The following PIK3IP1 variants were observed in gnomAD, a reference collection of about 807,000 sequenced individuals.
PIK3IP1 encodes phosphoinositide-3-kinase-interacting protein 1.
In PIK3IP1, 28 loss-of-function variants were observed where a neutral mutation model predicts 30.7. The ratio of observed to expected loss-of-function variants is 0.91; its 90% CI spans 0.68 to 1.25. PIK3IP1 has a LOEUF of 1.25. Ranked by LOEUF, PIK3IP1 falls within the 50% of genes most tolerant of loss-of-function variation. The probability of loss-of-function intolerance (pLI) is 0.00; values close to 1 mark genes in which losing one functional copy is unlikely to be tolerated. For missense variants in PIK3IP1, 333 were observed against 346.2 expected, an observed-to-expected ratio of 0.96 and a Z score of 0.30; for synonymous variants, 159 against 140.8, an observed-to-expected ratio of 1.13 and a Z score of -0.91.
Position 31,282,931 on chromosome 22 carries a change from C to T in PIK3IP1, c.*153G>A. On this transcript the variant is annotated 3_prime_UTR_variant, in exon 6 of 6. Coordinates refer to ENST00000215912, the MANE Select transcript of PIK3IP1 (RefSeq NM_052880.5). ...CCAGCCTTACCCTCAGCCCACAGGG[C>T]CACCTGCTTCTGTCACTCTTACTAG... The T allele has an allele frequency of 1.6e-6, 1 of 634,178 alleles. No homozygotes were observed. Among genetic ancestry groups the T allele is most frequent in the Non-Finnish European group, 2.7e-6 (1 of 365,770 alleles). The allele number at this position is 634,178 out of a possible 1,614,324, so 39.3% of individuals were successfully genotyped here. A position where few individuals can be genotyped will look rare whatever the true frequency, so the allele number is the denominator to read the frequency against.
At chr22:31,284,343 G>A (rs1194883289) in intron 5 of PIK3IP1, among the ~76,000 whole-genome samples, 1 of 152,178 alleles carries the variant, frequency 6.6e-6, no homozygotes, top group Non-Finnish European at 1.5e-5. Context: ...GTCTTTAGGG[G>A]AAAAAAATCA....
chr22:31,291,836 G>A (rs534722793), intron 1 of PIK3IP1, among the ~76,000 whole-genome samples: 6 of 152,238 alleles, frequency 3.9e-5, no homozygotes, highest in South Asian at 2.1e-4. Context: ...AATTCTCCAG[G>A]AGCCTTGACT....
Position 31,283,246 on chromosome 22 carries a change from C to T in PIK3IP1, c.630G>A (p.Glu210=). 1 of 1,614,242 alleles carries T rather than the reference C, an allele frequency of 6.2e-7. No individual in the cohort carries two copies. The highest frequency in any genetic ancestry group is 1.3e-5 in the African/African-American group (1 of 75,072). The stretch of plus-strand genomic sequence containing the variant: ...GCAGAGTGATTCGCTGCATCTCCCT[C>T]TCACATACTTTCTGATCATGCTGTT... ...LKEQHDQKVC[E]REMQRITLPL... is the part of the protein sequence containing the mutation. Residue 210 remains glutamate (E), a synonymous_variant, in exon 6 of 6, where the codon GAG becomes GAA. Coordinates refer to ENST00000215912, the MANE Select transcript of PIK3IP1 (RefSeq NM_052880.5).
intron 3 of PIK3IP1, chr22:31,290,663 G>T (rs891703449): frequency 2.8e-5 from 10 of 351,086 alleles, no homozygotes; most frequent in Non-Finnish European, 4.6e-5. Context: ...CTCCGCAAAC[G>T]GTCAATAAAC....
chr22:31,291,893 C>T (rs912182402), intron 1 of PIK3IP1, among the ~76,000 whole-genome samples: 11 of 152,220 alleles, frequency 7.2e-5, no homozygotes, highest in African/African-American at 2.7e-4. Context: ...GGAAACCGGC[C>T]TCATCGCTGA....
rs776209458 is a variant in PIK3IP1 at position 31,281,983 on chromosome 22, C to T, written c.*1101G>A. 6.6e-6 allele frequency: 1 copy of T among 152,398 alleles called. No individual in the cohort carries two copies. Among genetic ancestry groups the T allele is most frequent in the Non-Finnish European group, 1.5e-5 (1 of 68,158 alleles). The allele number at this position is 152,398 out of a possible 1,614,324, so 9.4% of individuals were successfully genotyped here. A position where few individuals can be genotyped will look rare whatever the true frequency, so the allele number is the denominator to read the frequency against. ...AGCTGGGCTCTTGCCATGCCAGTAG[C>T]TTGCTTACGACCTTGGGCAAGTCAC... On this transcript the variant is annotated 3_prime_UTR_variant, in exon 6 of 6. Transcript: ENST00000215912.
chr22:31,283,000 C>A lies in PIK3IP1; in HGVS notation c.*84G>T. The A allele has an allele frequency of 9.1e-7, 1 of 1,103,576 alleles. No homozygotes were observed. Among genetic ancestry groups the A allele is most frequent in the African/African-American group, 1.6e-5 (1 of 62,486 alleles). 68.4% of individuals were successfully genotyped at this position (1,103,576 alleles called of 1,614,324 possible). The stretch of plus-strand genomic sequence containing the variant: ...GGGAGTGGTAGGGTTTTAACCAGAA[C>A]ACAAAGTGGTAGTTCCTCCTAGCTG... On this transcript the variant is annotated 3_prime_UTR_variant, in exon 6 of 6. Coordinates refer to ENST00000215912, the MANE Select transcript of PIK3IP1 (RefSeq NM_052880.5).
rs1569009953 is a variant in PIK3IP1, at chr22:31,283,300, A to C, written c.588-12T>G. ...TCAAATCCTTCCCCCTGGCAGGAAAAAAACAAACAAACATTCAGGCTATGC... is the reference window on the plus strand; with the variant it reads ...TCAAATCCTTCCCCCTGGCAGGAAACAAACAAACAAACATTCAGGCTATGC... On this transcript the variant is annotated splice_polypyrimidine_tract_variant and intron_variant, in intron 5 of 5. Coordinates refer to ENST00000215912, the MANE Select transcript of PIK3IP1 (RefSeq NM_052880.5). 10 of 1,613,394 alleles carry C rather than the reference A, an allele frequency of 6.2e-6. No homozygotes were observed. The highest frequency in any genetic ancestry group is 4.5e-5 in the East Asian group (2 of 44,876).
intron 5 of PIK3IP1, among the ~76,000 whole-genome samples, chr22:31,287,067 C>T (rs1040288589): frequency 7.4e-6 from 1 of 136,028 alleles, no homozygotes; most frequent in Non-Finnish European, 1.5e-5. Flanking sequence ...GTCACCCAGG[C>T]TGGAGTGCAG....
At chr22:31,290,919 C>G (rs574670234) in intron 3 of PIK3IP1, 46 bp downstream of exon 3, 1 of 1,529,936 alleles carries the variant, frequency 6.5e-7, no homozygotes. Context: ...TCAGCCGCTT[C>G]CTGTCAGCGC....
At chr22:31,286,627 T>C (rs1038265474) in intron 5 of PIK3IP1, among the ~76,000 whole-genome samples, 1 of 152,142 alleles carries the variant, frequency 6.6e-6, no homozygotes, top group Admixed American at 6.5e-5. Context: ...GGAACAAATC[T>C]AGAAGAAAAA....
Position 31,289,097 on chromosome 22 carries a change from C to A in PIK3IP1, c.587+218G>T, listed in dbSNP as rs971774858. The stretch of plus-strand genomic sequence containing the variant: ...CAGAGGCTTCTTCATTTGTAAAATG[C>A]GGAACAAGAACATCCCTCACAAGGC... On this transcript the variant is annotated intron_variant, in intron 5 of 5. Coordinates refer to ENST00000215912, the MANE Select transcript of PIK3IP1 (RefSeq NM_052880.5). The A allele has an allele frequency of 6.2e-5, 37 of 592,622 alleles. No individual in the cohort carries two copies. The Middle Eastern group carries it at 1.4e-3, about 23-fold the overall frequency. The allele number at this position is 592,622 out of a possible 1,614,324, so 36.7% of individuals were successfully genotyped here. A position where few individuals can be genotyped will look rare whatever the true frequency, so the allele number is the denominator to read the frequency against.
rs750139427 is a variant in PIK3IP1 at position 31,283,291 on chromosome 22, G to A, written c.588-3C>T. ...GCTGTTCTTTCAAATCCTTCCCCCT[G>A]GCAGGAAAAAAACAAACAAACATTC... On this transcript the variant is annotated splice_polypyrimidine_tract_variant and splice_region_variant and intron_variant, in intron 5 of 5. Coordinates refer to ENST00000215912, the MANE Select transcript of PIK3IP1 (RefSeq NM_052880.5). The A allele has an allele frequency of 6.2e-7, 1 of 1,602,696 alleles. No homozygotes were observed. The highest frequency in any genetic ancestry group is 8.5e-7 in the Non-Finnish European group (1 of 1,179,070).
At chr22:31,286,481 C>CT (rs1300126453) in intron 5 of PIK3IP1, among the ~76,000 whole-genome samples, 1 of 152,182 alleles carries the variant, frequency 6.6e-6, no homozygotes, top group African/African-American at 2.4e-5. Flanking sequence ...GTTGTACAGT[C>CT]TGTTCTCAGA....
chr22:31,290,725 T>G (rs933809620), intron 3 of PIK3IP1: 1 of 526,070 alleles, frequency 1.9e-6, no homozygotes, highest in Non-Finnish European at 3.2e-6. Context: ...AGACCTAGCC[T>G]CACCCCAGCC....
intron 5 of PIK3IP1, 111 bp from the exon 6 acceptor site, chr22:31,283,399 A>C (rs1362200926): frequency 7.7e-6 from 9 of 1,163,262 alleles, no homozygotes; most frequent in African/African-American, 1.5e-5. Flanking sequence ...TTGTCACAAC[A>C]AATCAGTGGC....
intron 5 of PIK3IP1, 125 bp from the exon 6 acceptor site, chr22:31,283,413 G>T: frequency 1.0e-6 from 1 of 998,600 alleles, no homozygotes; most frequent in Non-Finnish European, 1.5e-6. Context: ...CAGTGGCTGA[G>T]CCAGGACCCA....
chr22:31,287,533 T>C (rs5749247), intron 5 of PIK3IP1, among the ~76,000 whole-genome samples: 7,029 of 151,672 alleles, frequency 0.046, 571 homozygotes, highest in East Asian at 0.37. Flanking sequence ...GATTTCACTA[T>C]GTTGGCCAGG....
At chr22:31,289,195 C>A (rs1439892590) in intron 5 of PIK3IP1, 120 bp downstream of exon 5, 2 of 970,792 alleles carry the variant, frequency 2.1e-6, no homozygotes, top group Middle Eastern at 2.1e-4. Context: ...AGGACCAAGT[C>A]TCTACATCTT....
Sources: allele counts gnomAD v4.1 joint callset (sites outside exome capture counted in the v4.1 genomes callset), GRCh38; gene constraint gnomAD v4.1.1; transcripts MANE v1.5; gene names NCBI Gene and HGNC (gene_info 2026-07-23, HGNC 2026-07-21).